FARP1: variants seen among roughly 807,000 people sequenced by gnomAD.
FARP1 encodes the protein FERM, ARH/RhoGEF and pleckstrin domain protein 1.
FARP1 carries 52 observed loss-of-function variants against 128.8 expected under a neutral mutation model. The ratio of observed to expected loss-of-function variants is 0.40; its 90% confidence interval spans 0.32 to 0.51. FARP1 has a LOEUF of 0.51. FARP1 is among the 20% of genes least tolerant of loss of function. The probability of loss-of-function intolerance (pLI) is 0.45; values close to 1 mark genes in which losing one functional copy is unlikely to be tolerated. For missense variants in FARP1, 1,333 were observed against 1,367.9 expected (o/e 0.97, Z 0.40); for synonymous variants, 580 against 551.8 (o/e 1.05, Z -0.72).
In FARP1 at chr13:98,197,922, A is replaced by T. The variant is rs566581957; in HGVS notation, c.-23-15298A>T. Among the ~76,000 whole-genome samples, 3 of 152,290 alleles carry T rather than the reference A, an allele frequency of 2.0e-5. No homozygotes were observed. In the South Asian group the frequency reaches 6.2e-4, roughly 32 times the overall value. On this transcript the variant is annotated intron_variant, in intron 1 of 26. Coordinates refer to ENST00000319562, the MANE Select transcript of FARP1 (RefSeq NM_005766.4). ...AGTGCTGAGATTACAGGCATGAGCC[A>T]CCGCGCCCGGCCAAAAGTTACTTAT...
Position 98,445,795 on chromosome 13 carries a change from C to T in FARP1, c.2797-303C>T, listed in dbSNP as rs76867828. 666 of 261,064 alleles carry T rather than the reference C, an allele frequency of 2.6e-3. 3 individuals are homozygous for T. The highest frequency in any genetic ancestry group is 0.014 in the African/African-American group (618 of 44,382). 16.2% of individuals were successfully genotyped at this position (261,064 alleles called of 1,614,324 possible). On this transcript the variant is annotated intron_variant, in intron 24 of 26. Transcript: ENST00000319562. ...TGTGATCTCGTCTTCACTAGTTACC[C>T]TGCAACGAGCCTATTTCCAAATAAG... is the stretch of plus-strand genomic sequence containing the variant.
intron 3 of FARP1, among the ~76,000 whole-genome samples, chr13:98,360,252 C>G (rs148069469): frequency 9.9e-5 from 15 of 152,210 alleles, no homozygotes; most frequent in Admixed American, 2.6e-4. Context: ...TGCGCCACCA[C>G]GGCTGGCTAA....
rs148511043 is a variant in FARP1 at position 98,440,779 on chromosome 13, C to T, written c.2739C>T (p.His913=). ...QAPHRGNTMV[H]VCWHRNTSVS... The stretch of plus-strand genomic sequence containing the variant: ...CGCACCGCGGCAACACAATGGTGCA[C>T]GTGTGCTGGCACCGCAACACCAGCG... The change falls in exon 24 of 27, where the codon CAC becomes CAT. Residue 913 remains histidine, a synonymous_variant. Transcript: ENST00000319562. The T allele has an allele frequency of 1.4e-5, 22 of 1,612,940 alleles. No homozygotes were observed. Among genetic ancestry groups the T allele is most frequent in the Middle Eastern group, 1.6e-4 (1 of 6,082 alleles).
Position 98,227,151 on chromosome 13 carries a change from T to C in FARP1, c.171+13738T>C, listed in dbSNP as rs758827462. On this transcript the variant is annotated intron_variant, in intron 2 of 26. Transcript: ENST00000319562. ...TAGAGACGGGGTTTCACTGTGTTAG[T>C]CAGGATGGTCTCGATCTCCTGACCT... is the stretch of plus-strand genomic sequence containing the variant. Among the ~76,000 whole-genome samples, 44 of 152,150 alleles carry C rather than the reference T, an allele frequency of 2.9e-4. No individual in the cohort carries two copies. In the South Asian group the frequency reaches 3.3e-3, roughly 11 times the overall value.
chr13:98,374,078 A>G (rs1889471989), intron 5 of FARP1, among the ~76,000 whole-genome samples: 2 of 152,192 alleles, frequency 1.3e-5, no homozygotes, highest in Non-Finnish European at 2.9e-5. Context: ...TACATTGGCC[A>G]TATTCACATT....
At chr13:98,163,219 C>G (rs541613791) in intron 1 of FARP1, among the ~76,000 whole-genome samples, 2 of 152,058 alleles carry the variant, frequency 1.3e-5, no homozygotes, top group Non-Finnish European at 2.9e-5. Flanking sequence ...AACGCAGGAA[C>G]AGAAAAGCAA....
chr13:98,330,057 A>C (rs1430955987), intron 2 of FARP1: 1 of 152,412 alleles, frequency 6.6e-6, no homozygotes, highest in African/African-American at 2.4e-5. Context: ...TGACGTGAGC[A>C]AAGCGAAGAA....
At chr13:98,305,042 T>C (rs187781378) in intron 2 of FARP1, among the ~76,000 whole-genome samples, 122 of 151,982 alleles carry the variant, frequency 8.0e-4, no homozygotes, top group Middle Eastern at 3.5e-3. Flanking sequence ...GAGAGAGGAG[T>C]GAAGGTTCAC....
chr13:98,446,437 G>A (rs868689137), intron 25 of FARP1: 9 of 603,940 alleles, frequency 1.5e-5, no homozygotes, highest in Admixed American at 1.5e-4. Flanking sequence ...CCTGTCTTCT[G>A]CCTGGACAAG....
At chr13:98,188,711 G>C (rs1594248301) in intron 1 of FARP1, among the ~76,000 whole-genome samples, 1 of 152,180 alleles carries the variant, frequency 6.6e-6, no homozygotes, top group Non-Finnish European at 1.5e-5. Flanking sequence ...ATGGCTCTAA[G>C]GGAGGTGGAG....
intron 2 of FARP1, among the ~76,000 whole-genome samples, chr13:98,241,004 G>A (rs1020399288): frequency 2.0e-5 from 3 of 152,240 alleles, no homozygotes; most frequent in Non-Finnish European, 2.9e-5. Flanking sequence ...GAAGGCAGAA[G>A]GCAGAATCCC....
chr13:98,382,891 G>C (rs1397187942), intron 6 of FARP1, among the ~76,000 whole-genome samples: 1 of 152,226 alleles, frequency 6.6e-6, no homozygotes, highest in Non-Finnish European at 1.5e-5. Flanking sequence ...CGCGTGCAGT[G>C]CTATCTGCCT....
intron 13 of FARP1, chr13:98,403,029 T>C (rs1594494632): frequency 6.6e-6 from 1 of 152,176 alleles, no homozygotes; most frequent in East Asian, 1.9e-4. Context: ...GTTCTGTCTT[T>C]ACCCTCAAAG....
At chr13:98,441,357 C>T (rs1329764723) in intron 24 of FARP1, among the ~76,000 whole-genome samples, 1 of 152,240 alleles carries the variant, frequency 6.6e-6, no homozygotes, top group Non-Finnish European at 1.5e-5. Flanking sequence ...CAGTTTATTT[C>T]ATCGTCATTT....
At chr13:98,280,346 C>T (rs1884872328) in intron 2 of FARP1, among the ~76,000 whole-genome samples, 1 of 152,330 alleles carries the variant, frequency 6.6e-6, no homozygotes, top group South Asian at 2.1e-4. Context: ...CGAGCTGGTG[C>T]AGCCTCAGCT....
chr13:98,163,709 TTTTC>T (rs1877044456), intron 1 of FARP1, among the ~76,000 whole-genome samples: 1 of 87,940 alleles, frequency 1.1e-5, no homozygotes, highest in East Asian at 5.3e-4. Flanking sequence ...TAGCATGGCC[TTTTC>T]TTTTTTTTTT....
At chr13:98,366,915 G>T (rs187468182) in intron 4 of FARP1, among the ~76,000 whole-genome samples, 2 of 152,164 alleles carry the variant, frequency 1.3e-5, no homozygotes, top group Non-Finnish European at 2.9e-5. Context: ...TGTGATCACA[G>T]AAATTATAAT....
In FARP1 at chr13:98,205,654, A is replaced by G. The variant is rs1405525330; in HGVS notation, c.-23-7566A>G. The stretch of plus-strand genomic sequence containing the variant: ...GTGATCCACCTGCCTTGGCCTCCCA[A>G]AGTGCTGGGATTACAGGTGTGAGCC... On this transcript the variant is annotated intron_variant, in intron 1 of 26. Coordinates refer to ENST00000319562, the MANE Select transcript of FARP1 (RefSeq NM_005766.4). Among the ~76,000 whole-genome samples, 5 of 152,080 alleles carry G rather than the reference A, an allele frequency of 3.3e-5. No individual in the cohort carries two copies. In the East Asian group the frequency reaches 7.7e-4, roughly 23 times the overall value.
intron 2 of FARP1, among the ~76,000 whole-genome samples, chr13:98,252,001 C>G (rs1409553231): frequency 1.4e-5 from 2 of 145,992 alleles, no homozygotes; most frequent in African/African-American, 4.9e-5. Flanking sequence ...GATCCTGCCA[C>G]CATGCCCGGT....
Sources: gnomAD v4.1 joint callset for allele counts (sites outside exome capture counted in the v4.1 genomes callset) on GRCh38, gnomAD v4.1.1 for gene constraint, MANE v1.5 for transcripts, NCBI Gene and HGNC (gene_info 2026-07-23, HGNC 2026-07-21) for gene names.